The following HDLBP variants were observed in gnomAD, a reference collection of about 807,000 sequenced individuals.
HDLBP encodes vigilin.
Under a neutral mutation model 137.3 loss-of-function variants are expected in HDLBP, and 30 were observed. The ratio of observed to expected loss-of-function variants is 0.22; its 90% CI spans 0.16 to 0.30. The LOEUF (loss-of-function observed/expected upper bound fraction) is 0.30, where lower values mean the gene tolerates loss of function less well. Ranked by LOEUF, HDLBP falls within the 10% of genes least tolerant of loss-of-function variation. The probability of loss-of-function intolerance (pLI) is 1.00; values close to 1 mark genes in which losing one functional copy is unlikely to be tolerated. For synonymous variants in HDLBP, 606 were observed against 596.0 expected (o/e 1.02, Z -0.24); for missense variants, 1,119 against 1,667.3 (o/e 0.67, Z 5.73).
chr2:241,254,921 C>A, intron 9 of HDLBP, 130 bp downstream of exon 9: 2 of 729,420 alleles, frequency 2.7e-6, no homozygotes, highest in Middle Eastern at 2.4e-4. Flanking sequence ...GTCAAACAGG[C>A]CAGTTAATTC....
At chr2:241,256,999 A>C (rs1409864460) in intron 5 of HDLBP, among the ~76,000 whole-genome samples, 193 bp from the exon 6 acceptor site, 1 of 152,208 alleles carries the variant, frequency 6.6e-6, no homozygotes, top group Non-Finnish European at 1.5e-5. Context: ...GGTTAGGGTA[A>C]GTTCGAGTGT....
intron 5 of HDLBP, among the ~76,000 whole-genome samples, chr2:241,261,358 A>C (rs1455826961): frequency 3.3e-5 from 5 of 152,218 alleles, no homozygotes; most frequent in African/African-American, 1.2e-4. Context: ...CCAAACAGAG[A>C]CTGGGTTAAA....
chr2:241,249,341 G>A (rs373726156), intron 12 of HDLBP: 2 of 471,314 alleles, frequency 4.2e-6, no homozygotes, highest in East Asian at 6.9e-5. Context: ...ACTTTCAAGT[G>A]TGGGTATCTG....
At chr2:241,282,287 A>T (rs556730334) in intron 1 of HDLBP, among the ~76,000 whole-genome samples, 96 of 152,380 alleles carry the variant, frequency 6.3e-4, no homozygotes, top group African/African-American at 2.3e-3. Flanking sequence ...GCAAGTGAAA[A>T]GTAGAATAAG....
chr2:241,302,077 T>G (rs979175096), intron 1 of HDLBP, among the ~76,000 whole-genome samples: 1 of 114,524 alleles, frequency 8.7e-6, no homozygotes, highest in African/African-American at 3.5e-5. Flanking sequence ...CCCCCACAAC[T>G]CCCATCTCTA....
chr2:241,236,408 C>T (rs111837028), intron 21 of HDLBP: 3 of 595,358 alleles, frequency 5.0e-6, no homozygotes, highest in South Asian at 2.0e-5. Context: ...GCTATAGAAC[C>T]CCGAGCCTTG....
rs2074131761 is a variant in HDLBP at position 241,272,313 on chromosome 2, C to T, written c.-102-3772G>A. 3.1e-6 allele frequency: 3 copies of T among 983,546 alleles called. No individual in the cohort carries two copies. Among genetic ancestry groups the T allele is most frequent in the Non-Finnish European group, 3.6e-6 (3 of 828,604 alleles). The allele number at this position is 983,546 out of a possible 1,614,324, so 60.9% of individuals were successfully genotyped here. A position where few individuals can be genotyped will look rare whatever the true frequency, so the allele number is the denominator to read the frequency against. ...CCCCACCCTGGCCGCACACGGCGCC[C>T]CCGCCGGAGCGGGGGAGGGGAGGGC... On this transcript the variant is annotated intron_variant, in intron 1 of 27. Coordinates refer to ENST00000310931, the MANE Select transcript of HDLBP (RefSeq NM_005336.6). This position sits in a 1 kb window ranked among gnomAD's most constrained non-coding sequence, Gnocchi z 5.6.
intron 22 of HDLBP, 21 bp downstream of exon 22, chr2:241,235,469 C>A (rs1215802905): frequency 5.0e-6 from 8 of 1,588,628 alleles, no homozygotes; most frequent in Non-Finnish European, 6.9e-6. Flanking sequence ...TGTGACATGG[C>A]CTCCCGGGAA....
chr2:241,299,990 C>T (rs573511470), intron 1 of HDLBP, among the ~76,000 whole-genome samples: 1 of 152,302 alleles, frequency 6.6e-6, no homozygotes, highest in South Asian at 2.1e-4. Flanking sequence ...ACATTGCACC[C>T]AAACTTTATG....
Position 241,240,180 on chromosome 2 carries a change from G to A in HDLBP, c.2170-58C>T. The A allele has an allele frequency of 5.2e-6, 8 of 1,529,462 alleles. No homozygotes were observed. The highest frequency in any genetic ancestry group is 7.3e-6 in the Non-Finnish European group (8 of 1,102,890). The allele number at this position is 1,529,462 out of a possible 1,614,324, so 94.7% of individuals were successfully genotyped here. A position where few individuals can be genotyped will look rare whatever the true frequency, so the allele number is the denominator to read the frequency against. ...CACCACGTGCCTGGACCACAGTGAG[G>A]AAGACAAGAGGGTCTGTAGGACAGC... is the stretch of plus-strand genomic sequence containing the variant. On this transcript the variant is annotated intron_variant, in intron 17 of 27. Transcript: ENST00000310931. The surrounding 1 kb of genome is among the most constrained non-coding windows in gnomAD (Gnocchi z 5.5).
At chr2:241,232,510 A>C (rs2149330809) in intron 24 of HDLBP, among the ~76,000 whole-genome samples, 1 of 152,314 alleles carries the variant, frequency 6.6e-6, no homozygotes, top group African/African-American at 2.4e-5. Context: ...TCCTGACCTC[A>C]GGGGATCCAC....
intron 21 of HDLBP, 74 bp from the exon 22 acceptor site, chr2:241,235,668 T>G (rs1000395223): frequency 3.9e-6 from 4 of 1,018,494 alleles, no homozygotes; most frequent in Admixed American, 3.7e-5. Flanking sequence ...GCAATGGGGC[T>G]CCACGAAACA....
rs1476078840 is a variant in HDLBP, at chr2:241,235,123, G to A, written c.3142C>T (p.Arg1048Trp). Residue 1048 changes from arginine to tryptophan, a missense_variant and splice_region_variant, in exon 23 of 28, where the codon CGG becomes TGG. Coordinates refer to ENST00000310931, the MANE Select transcript of HDLBP (RefSeq NM_005336.6). ...VKELQAEQED[R>W]ALRSFKLSVT... The stretch of plus-strand genomic sequence containing the variant: ...TGCCCCGGCCACCTCCTGCTCACCC[G>A]GTCCTCCTGCTCGGCCTGTAGCTCC... 4 of 1,612,648 alleles carry A rather than the reference G, an allele frequency of 2.5e-6. No individual in the cohort carries two copies. Among genetic ancestry groups the A allele is most frequent in the East Asian group, 2.2e-5 (1 of 44,880 alleles).
At position 241,228,300 on chromosome 2, in the gene HDLBP, C is replaced by T. The variant is rs896033766; in HGVS notation, c.*1301G>A. 1 of 152,384 alleles carries T rather than the reference C, an allele frequency of 6.6e-6. No homozygotes were observed. Among genetic ancestry groups the T allele is most frequent in the African/African-American group, 2.4e-5 (1 of 41,464 alleles). The allele number at this position is 152,384 out of a possible 1,614,324, so 9.4% of individuals were successfully genotyped here. On this transcript the variant is annotated 3_prime_UTR_variant, in exon 28 of 28. Transcript: ENST00000310931. The stretch of plus-strand genomic sequence containing the variant: ...AGACTAGGGCCCCGTCCTCAGCCCT[C>T]ACAGCATGACACAGATGCCTCCCTC...
chr2:241,272,674 C>A lies in HDLBP; in HGVS notation c.-102-4133G>T. 1.2e-6 allele frequency: 1 copy of A among 830,656 alleles called. No homozygotes were observed. Among genetic ancestry groups the A allele is most frequent in the Non-Finnish European group, 1.4e-6 (1 of 694,284 alleles). The allele number at this position is 830,656 out of a possible 1,614,324, so 51.5% of individuals were successfully genotyped here. A position where few individuals can be genotyped will look rare whatever the true frequency, so the allele number is the denominator to read the frequency against. On this transcript the variant is annotated intron_variant, in intron 1 of 27. Coordinates refer to ENST00000310931, the MANE Select transcript of HDLBP (RefSeq NM_005336.6). The surrounding 1 kb of genome is among the most constrained non-coding windows in gnomAD (Gnocchi z 5.6). ...TCCCCCTCCGCGGCCTCCACGTCAGCAGCCACCCCCCACCCCCCCGCCCGG... is the reference window on the plus strand; with the variant it reads ...TCCCCCTCCGCGGCCTCCACGTCAGAAGCCACCCCCCACCCCCCCGCCCGG...
At chr2:241,266,667 G>A in intron 3 of HDLBP, 127 bp downstream of exon 3, 1 of 693,708 alleles carries the variant, frequency 1.4e-6, no homozygotes. Flanking sequence ...ACAAGATGTT[G>A]GACCCTCCCT....
chr2:241,238,434 G>C lies in HDLBP; in HGVS notation c.2749+215C>G, dbSNP rs976664888. The C allele has an allele frequency of 1.3e-5, 5 of 397,284 alleles. No individual in the cohort carries two copies. Among genetic ancestry groups the C allele is most frequent in the African/African-American group, 2.0e-5 (1 of 49,044 alleles). 24.6% of individuals were successfully genotyped at this position (397,284 alleles called of 1,614,324 possible). ...GACTGGCTACCTTGTGTGTCTCTAG[G>C]ACCTATGAAGGTCACCTGGTCACTC... is the stretch of plus-strand genomic sequence containing the variant. On this transcript the variant is annotated intron_variant, in intron 20 of 27. Coordinates refer to ENST00000310931, the MANE Select transcript of HDLBP (RefSeq NM_005336.6). This position sits in a 1 kb window ranked among gnomAD's most constrained non-coding sequence, Gnocchi z 4.9.
chr2:241,270,086 C>T (rs2073942987), intron 1 of HDLBP, among the ~76,000 whole-genome samples: 1 of 152,226 alleles, frequency 6.6e-6, no homozygotes, highest in South Asian at 2.1e-4. Context: ...ACCGACTCTC[C>T]AGCACGGAGC....
At position 241,239,002 on chromosome 2, in the gene HDLBP, AAGG is replaced by A. The variant is rs1182032951; in HGVS notation, c.2611-218_2611-216del. ...GGGCCTCCTCTGAAATGTGTCCCAG[AAGG>A]CCAGGTGCCATCCCTGGAGGGTGGC... is the stretch of plus-strand genomic sequence containing the variant. On this transcript the variant is annotated intron_variant, in intron 19 of 27. Transcript: ENST00000310931. The surrounding 1 kb of genome is among the most constrained non-coding windows in gnomAD (Gnocchi z 4.6). Among the ~76,000 whole-genome samples the A allele has an allele frequency of 6.6e-6, 1 of 152,164 alleles. No homozygotes were observed. Among genetic ancestry groups the A allele is most frequent in the Non-Finnish European group, 1.5e-5 (1 of 68,026 alleles).
Sources: allele counts gnomAD v4.1 joint callset (sites outside exome capture counted in the v4.1 genomes callset), GRCh38; gene constraint gnomAD v4.1.1; non-coding constraint Gnocchi (gnomAD v3.1); transcripts MANE v1.5; gene names NCBI Gene and HGNC (gene_info 2026-07-23, HGNC 2026-07-21).